Variants in CTSH observed in about 807,000 individuals in gnomAD.
CTSH encodes the protein pro-cathepsin H.
CTSH carries 52 observed loss-of-function variants against 56.3 expected under a neutral mutation model. The ratio of observed to expected loss-of-function variants is 0.92; its 90% CI spans 0.74 to 1.16. The LOEUF (loss-of-function observed/expected upper bound fraction) is 1.16. Among genes scored for constraint, CTSH ranks in the 50% most tolerant of loss-of-function variants. The pLI is 0.00. For synonymous variants in CTSH, 174 were observed against 155.7 expected, an observed-to-expected ratio of 1.12 and a Z score of -0.88; for missense variants, 406 against 424.5, an observed-to-expected ratio of 0.96 and a Z score of 0.38.
intron 9 of CTSH, chr15:78,927,466 CA>C: frequency 1.8e-6 from 1 of 553,036 alleles, no homozygotes; most frequent in Non-Finnish European, 3.2e-6. Context: ...AAAACAGAAC[CA>C]AAAGAATGAA....
chr15:78,921,891 A>T lies in CTSH; in HGVS notation c.*239T>A, dbSNP rs1310572068. On this transcript the variant is annotated 3_prime_UTR_variant, in exon 12 of 12. Transcript: ENST00000220166. Reference sequence around the variant, plus strand: ...GAATATTCGTGGTCCATGTGGTTTGAGTCTGTTAAGAAGGACACTAAGGCA... The same window carrying T: ...GAATATTCGTGGTCCATGTGGTTTGTGTCTGTTAAGAAGGACACTAAGGCA... 1.5e-5 allele frequency: 8 copies of T among 545,248 alleles called. No homozygotes were observed. Among genetic ancestry groups the T allele is most frequent in the Non-Finnish European group, 2.6e-5 (8 of 306,240 alleles). The allele number at this position is 545,248 out of a possible 1,614,324, so 33.8% of individuals were successfully genotyped here.
chr15:78,939,175 T>TAA lies in CTSH; in HGVS notation c.92-6_92-5dup. On this transcript the variant is annotated splice_region_variant and splice_polypyrimidine_tract_variant and intron_variant, in intron 1 of 11. Coordinates refer to ENST00000220166, the MANE Select transcript of CTSH (RefSeq NM_004390.5). ...CATGACTTGAAGTGAAACTTCTCTG[T>TAA]AAAAAGAAAAAAAAAATTAGGTCTG... 6.7e-7 allele frequency: 1 copy of TAA among 1,489,252 alleles called. No individual in the cohort carries two copies. Among genetic ancestry groups the TAA allele is most frequent in the Non-Finnish European group, 9.2e-7 (1 of 1,092,016 alleles). 92.3% of individuals were successfully genotyped at this position (1,489,252 alleles called of 1,614,324 possible).
At chr15:78,931,607 G>T (rs1031669390) in intron 6 of CTSH, 101 bp from the exon 7 acceptor site, 8 of 1,593,258 alleles carry the variant, frequency 5.0e-6, no homozygotes, top group African/African-American at 1.3e-5. Context: ...CTGAGGCCCC[G>T]TCAGTGCTGT....
Position 78,944,747 on chromosome 15 carries a change from G to A in CTSH, c.91+144C>T, listed in dbSNP as rs2055360061. On this transcript the variant is annotated intron_variant, in intron 1 of 11. Transcript: ENST00000220166. ...CCTATAATGCAGTTTACCCCTCCCC[G>A]TGCCAGCACGCAGAGTTCCTGGCCT... 2.3e-6 allele frequency: 3 copies of A among 1,332,970 alleles called. No individual in the cohort carries two copies. The South Asian group carries it at 5.7e-5, about 25-fold the overall frequency. 82.6% of individuals were successfully genotyped at this position (1,332,970 alleles called of 1,614,324 possible).
At chr15:78,925,773 G>A in intron 9 of CTSH, 1 of 251,686 alleles carries the variant, frequency 4.0e-6, no homozygotes. Context: ...CATAAACCCA[G>A]AGTCTACAAA....
chr15:78,944,986 G>T lies in CTSH; in HGVS notation c.-5C>A. The T allele has an allele frequency of 6.5e-7, 1 of 1,531,118 alleles. No homozygotes were observed. The highest frequency in any genetic ancestry group is 1.2e-5 in the South Asian group (1 of 82,304). The allele number at this position is 1,531,118 out of a possible 1,614,324, so 94.8% of individuals were successfully genotyped here. On this transcript the variant is annotated 5_prime_UTR_variant, in exon 1 of 12. In the 5' UTR this introduces an upstream ATG that the reference lacks. Coordinates refer to ENST00000220166, the MANE Select transcript of CTSH (RefSeq NM_004390.5). ...CAGCGGCAGCGTGGCCCACATCGCA[G>T]CGCTGGCGGCTTGGCTCTTGCGCTC...
chr15:78,932,686 C>T (rs184719141), intron 5 of CTSH, among the ~76,000 whole-genome samples: 1 of 150,428 alleles, frequency 6.6e-6, no homozygotes, highest in Non-Finnish European at 1.5e-5. Context: ...TCATTCTGAG[C>T]CTCGCAAGTC....
At chr15:78,924,630 C>A (rs960976900) in intron 10 of CTSH, among the ~76,000 whole-genome samples, 3 of 151,898 alleles carry the variant, frequency 2.0e-5, no homozygotes. Flanking sequence ...GCACAGGATC[C>A]TAGTGTGTGA....
chr15:78,936,175 CTT>C (rs959898169), intron 3 of CTSH, among the ~76,000 whole-genome samples: 13 of 130,808 alleles, frequency 9.9e-5, no homozygotes, highest in African/African-American at 3.7e-4. Context: ...TTTTTCTTTT[CTT>C]TTCTTTTTTT....
chr15:78,928,755 C>T (rs2054978384), intron 8 of CTSH, among the ~76,000 whole-genome samples: 1 of 151,894 alleles, frequency 6.6e-6, no homozygotes, highest in South Asian at 2.1e-4. Context: ...AGGCCCCGGT[C>T]TGAGTGGTCA....
At chr15:78,930,588 G>A (rs970964137) in intron 7 of CTSH, among the ~76,000 whole-genome samples, 7 of 151,898 alleles carry the variant, frequency 4.6e-5, no homozygotes, top group African/African-American at 1.5e-4. Flanking sequence ...AAAACGGTGG[G>A]ACCCCAGAGT....
chr15:78,923,203 C>CT, intron 10 of CTSH, 85 bp from the exon 11 acceptor site: 9 of 1,503,634 alleles, frequency 6.0e-6, no homozygotes, highest in Non-Finnish European at 8.2e-6. Context: ...TCTTTGAGCG[C>CT]TTTAGAGCAA....
intron 1 of CTSH, among the ~76,000 whole-genome samples, chr15:78,940,128 A>G (rs2141554561): frequency 6.6e-6 from 1 of 152,374 alleles, no homozygotes; most frequent in Middle Eastern, 3.4e-3. Context: ...TACAGATATT[A>G]TCAAAAACAT....
intron 7 of CTSH, among the ~76,000 whole-genome samples, chr15:78,930,016 G>A (rs2055015300): frequency 6.6e-6 from 1 of 152,212 alleles, no homozygotes; most frequent in South Asian, 2.1e-4. Flanking sequence ...CAGCTGCCCA[G>A]CAATCCCCGT....
At position 78,923,121 on chromosome 15, in the gene CTSH, G is replaced by T; in HGVS notation, c.807-3C>A. The T allele has an allele frequency of 6.2e-7, 1 of 1,612,090 alleles. No individual in the cohort carries two copies. The highest frequency in any genetic ancestry group is 1.1e-5 in the South Asian group (1 of 90,600). On this transcript the variant is annotated splice_region_variant and splice_polypyrimidine_tract_variant and intron_variant, in intron 10 of 11. Coordinates refer to ENST00000220166, the MANE Select transcript of CTSH (RefSeq NM_004390.5). ...CTGGAGTTTTATGGCAGGAAGTACT[G>T]GAAAACAAAATTCAAAAAGAGGTGA... is the stretch of plus-strand genomic sequence containing the variant.
At chr15:78,935,273 A>G (rs2055152244) in intron 4 of CTSH, among the ~76,000 whole-genome samples, 191 bp from the exon 5 acceptor site, 1 of 152,240 alleles carries the variant, frequency 6.6e-6, no homozygotes, top group Non-Finnish European at 1.5e-5. Flanking sequence ...AGTCCAGAGC[A>G]TTAGGATAGG....
chr15:78,922,900 G>A, intron 11 of CTSH, 93 bp downstream of exon 11: 2 of 1,466,222 alleles, frequency 1.4e-6, no homozygotes, highest in Non-Finnish European at 1.8e-6. Context: ...CTCGTCTGTG[G>A]AAGCCGTAAC....
intron 3 of CTSH, among the ~76,000 whole-genome samples, chr15:78,936,837 T>G (rs1189865116): frequency 6.6e-6 from 1 of 152,088 alleles, no homozygotes; most frequent in African/African-American, 2.4e-5. Flanking sequence ...CCATGTTGGT[T>G]AGGCTGGTCT....
At position 78,923,017 on chromosome 15, in the gene CTSH, CAA is replaced by C. The variant is rs760355233; in HGVS notation, c.906_907del (p.Trp303GlyfsTer107). On this transcript the variant is annotated frameshift_variant, in exon 11 of 12. Transcript: ENST00000220166. LOFTEE classifies it high-confidence loss of function. ...CCCGTTCATTCCCCACTGGGGACCC[CAA>C]GAGTTTTTCACGATCCAGTAAGGGA... 10 of 1,612,616 alleles carry C rather than the reference CAA, an allele frequency of 6.2e-6. No individual in the cohort carries two copies. In the African/African-American group the frequency reaches 1.3e-4, roughly 22 times the overall value.
Sources: allele counts gnomAD v4.1 joint callset (sites outside exome capture counted in the v4.1 genomes callset), GRCh38; gene constraint gnomAD v4.1.1; transcripts MANE v1.5; gene names NCBI Gene and HGNC (gene_info 2026-07-23, HGNC 2026-07-21).